Variants in CHCHD6 observed in about 807,000 individuals in gnomAD.
CHCHD6 encodes MICOS complex subunit MIC25.
In CHCHD6, 28 loss-of-function variants were observed where a neutral mutation model predicts 32.3. The ratio of observed to expected loss-of-function variants is 0.87; its 90% CI spans 0.64 to 1.19. The LOEUF is 1.19. Ranked by LOEUF, CHCHD6 falls within the 50% of genes most tolerant of loss-of-function variation. The probability of loss-of-function intolerance (pLI) is 0.00; values close to 1 mark genes in which losing one functional copy is unlikely to be tolerated. For missense variants in CHCHD6, 333 were observed against 307.0 expected (o/e 1.08, Z -0.63); for synonymous variants, 122 against 117.5 (o/e 1.04, Z -0.25).
intron 4 of CHCHD6, among the ~76,000 whole-genome samples, chr3:126,789,755 C>T (rs1006915307): frequency 2.6e-4 from 39 of 152,086 alleles, no homozygotes; most frequent in African/African-American, 7.2e-4. Context: ...TACAGCACAC[C>T]GATGGGTCTT....
At chr3:126,913,794 G>A (rs972691680) in intron 5 of CHCHD6, among the ~76,000 whole-genome samples, 1 of 152,248 alleles carries the variant, frequency 6.6e-6, no homozygotes, top group Non-Finnish European at 1.5e-5. Context: ...CTCAGAACAT[G>A]CGAAGGTGCT....
intron 7 of CHCHD6, among the ~76,000 whole-genome samples, chr3:126,958,238 G>A (rs1343678183): frequency 6.6e-6 from 1 of 151,590 alleles, no homozygotes; most frequent in African/African-American, 2.4e-5. Context: ...GGTGCAGTCA[G>A]GCTGTTCCCA....
intron 6 of CHCHD6, among the ~76,000 whole-genome samples, chr3:126,916,880 C>T (rs927501862): frequency 1.3e-5 from 2 of 152,250 alleles, no homozygotes; most frequent in African/African-American, 4.8e-5. Flanking sequence ...CAGCTTCTTC[C>T]AAGGCCAATG....
chr3:126,865,661 C>A (rs1207761934), intron 5 of CHCHD6: 6 of 985,250 alleles, frequency 6.1e-6, no homozygotes, highest in Non-Finnish European at 7.2e-6. Flanking sequence ...CTACTATTAT[C>A]ACCTCCCTCA....
intron 1 of CHCHD6, among the ~76,000 whole-genome samples, chr3:126,705,363 G>T (rs745393268): frequency 1.3e-5 from 2 of 152,194 alleles, no homozygotes; most frequent in Non-Finnish European, 2.9e-5. Flanking sequence ...GAACCCAGAA[G>T]AATAAAAGCA....
rs60860773 is a variant in CHCHD6 at position 126,853,254 on chromosome 3, TAA to T, written c.495+541_495+542del. On this transcript the variant is annotated intron_variant, in intron 5 of 7. Coordinates refer to ENST00000290913, the MANE Select transcript of CHCHD6 (RefSeq NM_032343.3). ...ATTTAAAAACATATCATCATGCCTT[TAA>T]AAAAAAAAAAAAAAAACCCCTACCA... Among the ~76,000 whole-genome samples, 568 of 132,862 alleles carry T rather than the reference TAA, an allele frequency of 4.3e-3. 4 individuals are homozygous for T. Among genetic ancestry groups the T allele is most frequent in the African/African-American group, 0.011 (384 of 36,516 alleles). 87.2% of individuals were successfully genotyped at this position (132,862 alleles called of 152,430 possible). A position where few individuals can be genotyped will look rare whatever the true frequency, so the allele number is the denominator to read the frequency against.
chr3:126,726,267 CAG>C (rs1041726114), intron 1 of CHCHD6, among the ~76,000 whole-genome samples: 23 of 152,124 alleles, frequency 1.5e-4, no homozygotes, highest in African/African-American at 5.1e-4. Context: ...GGGAGAGAGA[CAG>C]GGGTCGGGGA....
At chr3:126,922,289 T>C (rs2078261938) in intron 6 of CHCHD6, among the ~76,000 whole-genome samples, 1 of 152,226 alleles carries the variant, frequency 6.6e-6, no homozygotes, top group South Asian at 2.1e-4. Context: ...TTATTACCAT[T>C]CTGCAGATGT....
intron 6 of CHCHD6, among the ~76,000 whole-genome samples, chr3:126,947,819 C>T (rs759440395): frequency 2.0e-5 from 3 of 152,218 alleles, no homozygotes; most frequent in Non-Finnish European, 4.4e-5. Context: ...ACTTCCTGGG[C>T]AGCACCTGGC....
At chr3:126,841,974 C>T (rs79929079) in intron 4 of CHCHD6, among the ~76,000 whole-genome samples, 4,542 of 151,934 alleles carry the variant, frequency 0.03, 97 homozygotes, top group Non-Finnish European at 0.039. Context: ...CTAGTCCAGG[C>T]GTAATGGCTC....
At chr3:126,887,300 A>G (rs1461094047) in intron 5 of CHCHD6, among the ~76,000 whole-genome samples, 2 of 152,116 alleles carry the variant, frequency 1.3e-5, no homozygotes, top group Non-Finnish European at 2.9e-5. Context: ...ATTCCTGCTG[A>G]ATAGCATAGC....
intron 4 of CHCHD6, among the ~76,000 whole-genome samples, chr3:126,851,042 G>A (rs549641782): frequency 6.6e-5 from 10 of 152,292 alleles, no homozygotes; most frequent in African/African-American, 2.2e-4. Flanking sequence ...CAGGTAAGGG[G>A]AAAACAGACA....
At chr3:126,715,505 C>T (rs1934965769) in intron 1 of CHCHD6, among the ~76,000 whole-genome samples, 1 of 151,840 alleles carries the variant, frequency 6.6e-6, no homozygotes, top group Non-Finnish European at 1.5e-5. Context: ...GGGGAAATTA[C>T]ATTCTTACCT....
intron 4 of CHCHD6, among the ~76,000 whole-genome samples, chr3:126,849,294 G>T (rs1399747760): frequency 2.0e-5 from 3 of 152,252 alleles, no homozygotes; most frequent in South Asian, 4.1e-4. Context: ...GCCTGCTCCA[G>T]ACTTGGAGCC....
intron 4 of CHCHD6, among the ~76,000 whole-genome samples, chr3:126,842,688 C>T (rs574587382): frequency 2.0e-5 from 3 of 152,244 alleles, no homozygotes; most frequent in African/African-American, 4.8e-5. Context: ...TTTTTTTAAA[C>T]GTAGAACTTT....
chr3:126,913,132 G>A (rs1413513656), intron 5 of CHCHD6, among the ~76,000 whole-genome samples: 1 of 149,718 alleles, frequency 6.7e-6, no homozygotes, highest in Non-Finnish European at 1.5e-5. Flanking sequence ...ATCTGTGCCT[G>A]CAGTAGGTAC....
chr3:126,831,046 C>T (rs1255208116), intron 4 of CHCHD6, among the ~76,000 whole-genome samples: 2 of 150,454 alleles, frequency 1.3e-5, no homozygotes, highest in African/African-American at 4.9e-5. Flanking sequence ...TTTTTTGAGA[C>T]ATAGTCTCAC....
chr3:126,857,010 G>A (rs1941686567), intron 5 of CHCHD6, among the ~76,000 whole-genome samples: 1 of 152,174 alleles, frequency 6.6e-6, no homozygotes, highest in Admixed American at 6.5e-5. Flanking sequence ...CCTGACCTTA[G>A]TATCCAGTCC....
chr3:126,835,520 C>T (rs1940820296), intron 4 of CHCHD6, among the ~76,000 whole-genome samples: 1 of 151,954 alleles, frequency 6.6e-6, no homozygotes, highest in South Asian at 2.1e-4. Flanking sequence ...GAAGACCACA[C>T]ACACCTGGCC....
Sources: allele counts gnomAD v4.1 joint callset (sites outside exome capture counted in the v4.1 genomes callset), GRCh38; gene constraint gnomAD v4.1.1; transcripts MANE v1.5; gene names NCBI Gene and HGNC (gene_info 2026-07-23, HGNC 2026-07-21).